Variants in HDAC9 observed in about 807,000 individuals in gnomAD.
The protein encoded by HDAC9 is MEF-2 interacting transcription repressor (MITR) protein.
In HDAC9, 41 loss-of-function variants were observed where a neutral mutation model predicts 139.4. The ratio of observed to expected loss-of-function variants is 0.29; its 90% confidence interval spans 0.23 to 0.38. The LOEUF is 0.38. HDAC9 is among the 10% of genes least tolerant of loss of function. The probability of loss-of-function intolerance (pLI) is 1.00; values close to 1 mark genes in which losing one functional copy is unlikely to be tolerated. For missense variants in HDAC9, 1,147 were observed against 1,297.0 expected, an observed-to-expected ratio of 0.88 and a Z score of 1.78; for synonymous variants, 517 against 476.2, an observed-to-expected ratio of 1.09 and a Z score of -1.12.
chr7:18,383,263 G>C (rs962736755), intron 1 of HDAC9, among the ~76,000 whole-genome samples: 1 of 152,182 alleles, frequency 6.6e-6, no homozygotes, highest in Non-Finnish European at 1.5e-5. Flanking sequence ...TGCAGGGATG[G>C]CACATTTGTG....
intron 2 of HDAC9, among the ~76,000 whole-genome samples, chr7:18,234,758 C>A (rs553132676): frequency 4.6e-5 from 7 of 152,294 alleles, no homozygotes; most frequent in African/African-American, 1.4e-4. Flanking sequence ...GATAGTGGAA[C>A]AAAATCCCTC....
rs556286514 is a variant in HDAC9, at chr7:18,854,680, TAGAGA to T, written c.2684+18685_2684+18689del. Among the ~76,000 whole-genome samples the T allele has an allele frequency of 3.2e-3, 478 of 151,290 alleles. 2 individuals carry two copies. The highest frequency in any genetic ancestry group is 0.011 in the African/African-American group (458 of 41,214). On this transcript the variant is annotated intron_variant, in intron 21 of 25. Transcript: ENST00000686413. The stretch of plus-strand genomic sequence containing the variant: ...GATGCTAAAAGAAAAAAATACTGAA[TAGAGA>T]AAAGTATAAAAAGTCTAATAGAAGA...
intron 12 of HDAC9, among the ~76,000 whole-genome samples, chr7:18,706,201 G>A (rs149032453): frequency 1.0e-3 from 130 of 124,506 alleles, no homozygotes; most frequent in African/African-American, 3.4e-3. Context: ...TTCTCCCTGA[G>A]CCGCAATAAA....
At chr7:18,830,614 T>C (rs1562970939) in intron 19 of HDAC9, among the ~76,000 whole-genome samples, 1 of 152,184 alleles carries the variant, frequency 6.6e-6, no homozygotes, top group Non-Finnish European at 1.5e-5. Flanking sequence ...GAAGAAATGC[T>C]TAGTTAAGTG....
In HDAC9 at chr7:18,829,464, G is replaced by C. The variant is rs749391348; in HGVS notation, c.2382G>C (p.Gly794=). ...TCTGTTCTTCTCTATTCCGCAGGGG[G>C]TTCTGCTTTTTTAATTCAGTTGCAA... The part of the protein sequence containing the change: ...GHHAEESTAM[G]FCFFNSVAIT... The change falls in exon 19 of 26, where the codon GGG becomes GGC. Residue 794 remains glycine, a synonymous_variant. Transcript: ENST00000686413. 1.2e-6 allele frequency: 2 copies of C among 1,606,636 alleles called. No individual in the cohort carries two copies. Among genetic ancestry groups the C allele is most frequent in the Non-Finnish European group, 1.7e-6 (2 of 1,173,638 alleles).
intron 21 of HDAC9, among the ~76,000 whole-genome samples, chr7:18,869,438 G>A (rs1798746258): frequency 6.6e-6 from 1 of 152,006 alleles, no homozygotes; most frequent in Non-Finnish European, 1.5e-5. Context: ...TGCCATGTTT[G>A]TAAGTTTCCT....
chr7:18,690,645 T>A lies in HDAC9; in HGVS notation c.1731+24169T>A, dbSNP rs17139658. Among the ~76,000 whole-genome samples the A allele has an allele frequency of 1.0e-3, 158 of 152,006 alleles. 1 individual carries two copies. Among genetic ancestry groups the A allele is most frequent in the African/African-American group, 3.6e-3 (148 of 41,494 alleles). Reference sequence around the variant, plus strand: ...TTGCTAAAGTACCATTTATTTTTTTTAAATGTGGCTATAGTACACATTGTG... The same window carrying A: ...TTGCTAAAGTACCATTTATTTTTTTAAAATGTGGCTATAGTACACATTGTG... On this transcript the variant is annotated intron_variant, in intron 12 of 25. Coordinates refer to ENST00000686413, the MANE Select transcript of HDAC9 (RefSeq NM_178425.4).
intron 1 of HDAC9, among the ~76,000 whole-genome samples, chr7:18,459,877 G>A (rs909364004): frequency 6.6e-6 from 1 of 151,316 alleles, no homozygotes; most frequent in Non-Finnish European, 1.5e-5. Context: ...AAGTATTTCA[G>A]ATAGTCAGTT....
At chr7:18,317,734 A>G (rs1374197358) in intron 1 of HDAC9, among the ~76,000 whole-genome samples, 3 of 152,106 alleles carry the variant, frequency 2.0e-5, no homozygotes, top group East Asian at 1.9e-4. Flanking sequence ...GTTTCGGGGG[A>G]TGGGACTTTC....
intron 14 of HDAC9, among the ~76,000 whole-genome samples, chr7:18,755,596 G>T (rs1248182641): frequency 6.6e-6 from 1 of 151,964 alleles, no homozygotes; most frequent in African/African-American, 2.4e-5. Flanking sequence ...TGCAATGTAG[G>T]GGGTTCAGTT....
intron 25 of HDAC9, among the ~76,000 whole-genome samples, chr7:18,990,206 T>C (rs537562575): frequency 1.4e-3 from 212 of 152,278 alleles, no homozygotes; most frequent in African/African-American, 4.7e-3. Context: ...TGGTCTTTGA[T>C]GATGGTGATG....
intron 22 of HDAC9, among the ~76,000 whole-genome samples, chr7:18,912,565 T>C (rs983960542): frequency 9.9e-5 from 15 of 152,180 alleles, no homozygotes; most frequent in South Asian, 6.2e-4. Context: ...TCTAGAGACA[T>C]TGTGGTTGCC....
rs569881304 is a variant in HDAC9, at chr7:18,666,657, T to G, written c.1731+181T>G. 210 of 1,380,412 alleles carry G rather than the reference T, an allele frequency of 1.5e-4. No individual in the cohort carries two copies. The African/African-American group carries it at 2.9e-3, about 19-fold the overall frequency. 85.5% of individuals were successfully genotyped at this position (1,380,412 alleles called of 1,614,324 possible). A position where few individuals can be genotyped will look rare whatever the true frequency, so the allele number is the denominator to read the frequency against. ...TATGTATATATCTATATAGAGGTCTTTCTATATACTGATCTCTATATAGAT... is the reference window on the plus strand; with the variant it reads ...TATGTATATATCTATATAGAGGTCTGTCTATATACTGATCTCTATATAGAT... On this transcript the variant is annotated intron_variant, in intron 12 of 25. Coordinates refer to ENST00000686413, the MANE Select transcript of HDAC9 (RefSeq NM_178425.4).
chr7:18,945,802 G>A (rs1782341518), intron 23 of HDAC9, among the ~76,000 whole-genome samples: 1 of 151,672 alleles, frequency 6.6e-6, no homozygotes, highest in Admixed American at 6.6e-5. Flanking sequence ...ACTTTGGGAG[G>A]CCAAGGTGGG....
chr7:18,143,055 C>G (rs1584298953), intron 1 of HDAC9, among the ~76,000 whole-genome samples: 1 of 152,136 alleles, frequency 6.6e-6, no homozygotes, highest in Non-Finnish European at 1.5e-5. Flanking sequence ...TTATAGTAAC[C>G]TGGGTGAGAT....
intron 2 of HDAC9, among the ~76,000 whole-genome samples, chr7:18,579,566 A>G (rs1051453675): frequency 6.6e-6 from 1 of 152,220 alleles, no homozygotes; most frequent in Non-Finnish European, 1.5e-5. Flanking sequence ...TTTAGTTCAT[A>G]TGTCGCATTG....
chr7:18,919,188 A>G (rs1309955791), intron 22 of HDAC9, among the ~76,000 whole-genome samples: 2 of 152,064 alleles, frequency 1.3e-5, no homozygotes, highest in East Asian at 3.9e-4. Context: ...CATTTTGCAA[A>G]TTATCATTTC....
chr7:18,421,653 C>G (rs1789629826), intron 1 of HDAC9, among the ~76,000 whole-genome samples: 1 of 152,074 alleles, frequency 6.6e-6, no homozygotes, highest in South Asian at 2.1e-4. Flanking sequence ...GCATAATTTC[C>G]TAAATTATTT....
chr7:18,280,774 AT>A (rs755326207), intron 2 of HDAC9, among the ~76,000 whole-genome samples: 22 of 150,612 alleles, frequency 1.5e-4, no homozygotes, highest in African/African-American at 4.2e-4. Flanking sequence ...AAAAAAATAA[AT>A]AAATAAATAA....
Sources: allele counts gnomAD v4.1 joint callset (sites outside exome capture counted in the v4.1 genomes callset), GRCh38; gene constraint gnomAD v4.1.1; transcripts MANE v1.5; gene names NCBI Gene and HGNC (gene_info 2026-07-23, HGNC 2026-07-21).